PHEX: variants seen among roughly 807,000 people sequenced by gnomAD.
PHEX encodes phosphate-regulating neutral endopeptidase PHEX.
PHEX carries 16 observed loss-of-function variants against 68.0 expected under a neutral mutation model. That is an observed-to-expected ratio of 0.24 (90% confidence interval 0.16 to 0.36). The LOEUF (loss-of-function observed/expected upper bound fraction) is 0.36. PHEX is among the 10% of genes least tolerant of loss of function. The pLI is 1.00. For synonymous variants in PHEX, 208 were observed against 205.1 expected, an observed-to-expected ratio of 1.01 and a Z score of -0.12; for missense variants, 480 against 575.5, an observed-to-expected ratio of 0.83 and a Z score of 1.70.
intron 5 of PHEX, among the ~76,000 whole-genome samples, chrX:22,081,526 A>T (rs1028720469): frequency 9.8e-5 from 11 of 111,788 alleles, no homozygotes; most frequent in Non-Finnish European, 1.7e-4. Context: ...AATCCCACAA[A>T]CCCACAGGAA....
chrX:22,037,722 C>T (rs992185256), intron 1 of PHEX, among the ~76,000 whole-genome samples: 2 of 110,251 alleles, frequency 1.8e-5, no homozygotes, highest in African/African-American at 3.3e-5. Context: ...GCCTGGTGGG[C>T]GGAGAGTTTG....
At chrX:22,086,439 C>T (rs1704103930) in intron 5 of PHEX, among the ~76,000 whole-genome samples, 1 of 112,105 alleles carries the variant, frequency 8.9e-6, no homozygotes, top group Non-Finnish European at 1.9e-5. Flanking sequence ...TGGTTGTCCA[C>T]CTTGATCTCA....
intron 14 of PHEX, among the ~76,000 whole-genome samples, chrX:22,184,068 A>G (rs980553536): frequency 8.9e-6 from 1 of 111,834 alleles, no homozygotes; most frequent in African/African-American, 3.2e-5. Flanking sequence ...TAGCTCTTTC[A>G]CAAGGGTATT....
At chrX:22,042,582 C>A (rs1311293362) in intron 2 of PHEX, among the ~76,000 whole-genome samples, 1 of 112,215 alleles carries the variant, frequency 8.9e-6, no homozygotes, top group African/African-American at 3.2e-5. Flanking sequence ...GCCAGGAGTT[C>A]AAGACCAGTC....
chrX:22,047,508 A>G (rs192395933), intron 3 of PHEX, among the ~76,000 whole-genome samples: 14 of 112,328 alleles, frequency 1.2e-4, no homozygotes, highest in African/African-American at 4.5e-4. Flanking sequence ...AATGAAAATT[A>G]TATCAATATA....
chrX:22,058,961 C>A (rs866590369), intron 3 of PHEX, among the ~76,000 whole-genome samples: 1 of 111,590 alleles, frequency 9.0e-6, no homozygotes, highest in Non-Finnish European at 1.9e-5. Flanking sequence ...CCTGCCACCA[C>A]GCCTGGCTAA....
At chrX:22,108,797 C>A (rs1018326467) in intron 9 of PHEX, among the ~76,000 whole-genome samples, 1 of 110,356 alleles carries the variant, frequency 9.1e-6, no homozygotes, top group Admixed American at 9.7e-5. Flanking sequence ...TAGAAATTAG[C>A]CAGTCGTGGT....
chrX:22,082,336 A>C (rs57661471), intron 5 of PHEX, among the ~76,000 whole-genome samples: 2,910 of 111,469 alleles, frequency 0.026, 115 homozygotes, highest in African/African-American at 0.091. Context: ...AGTGTATAAG[A>C]GTTTCTTTTT....
intron 2 of PHEX, among the ~76,000 whole-genome samples, chrX:22,038,797 G>C (rs763858747): frequency 1.0e-3 from 115 of 111,769 alleles, no homozygotes; most frequent in Middle Eastern, 4.6e-3. Context: ...TTGGAAGGCT[G>C]AATGGCCTCT....
At chrX:22,096,266 T>C (rs2147042747) in intron 7 of PHEX, among the ~76,000 whole-genome samples, 1 of 112,802 alleles carries the variant, frequency 8.9e-6, no homozygotes, top group East Asian at 2.8e-4. Flanking sequence ...TCATTGCTGC[T>C]GTTCTTAGGT....
At chrX:22,070,176 T>A (rs1196353913) in intron 3 of PHEX, among the ~76,000 whole-genome samples, 3 of 111,391 alleles carry the variant, frequency 2.7e-5, no homozygotes, top group Admixed American at 1.9e-4. Flanking sequence ...TAATAAGTTT[T>A]AAAAAAAATC....
At chrX:22,243,343 G>C (rs960315429) in intron 20 of PHEX, among the ~76,000 whole-genome samples, 1 of 111,674 alleles carries the variant, frequency 9.0e-6, no homozygotes, top group Non-Finnish European at 1.9e-5. Context: ...AAGAAAACCT[G>C]GGCAATACCA....
At chrX:22,056,314 A>G (rs1157309550) in intron 3 of PHEX, among the ~76,000 whole-genome samples, 1 of 112,039 alleles carries the variant, frequency 8.9e-6, no homozygotes, top group Non-Finnish European at 1.9e-5. Flanking sequence ...CTGATCCAGC[A>G]ACTGAACCAT....
intron 14 of PHEX, 82 bp from the exon 15 acceptor site, chrX:22,190,362 C>T: frequency 1.5e-6 from 1 of 647,590 alleles, no homozygotes; most frequent in Admixed American, 2.2e-5. Context: ...GCTAATAAAC[C>T]CAGCCATGCT....
At chrX:22,104,450 G>A (rs889576118) in intron 9 of PHEX, among the ~76,000 whole-genome samples, 9 of 110,924 alleles carry the variant, frequency 8.1e-5, no homozygotes, top group African/African-American at 3.0e-4. Flanking sequence ...GAGGTGGAAA[G>A]GGGGGTGGGG....
Position 22,160,685 on chromosome X carries a change from A to G in PHEX, c.1405-7627A>G, listed in dbSNP as rs548410487. Among the ~76,000 whole-genome samples the G allele has an allele frequency of 8.1e-5, 9 of 111,611 alleles. No homozygotes were observed. In the South Asian group the frequency reaches 2.7e-3, roughly 33 times the overall value. On this transcript the variant is annotated intron_variant, in intron 12 of 21. Transcript: ENST00000379374. The stretch of plus-strand genomic sequence containing the variant: ...AGGAAAGACCCACCCTCATGAATCA[A>G]TTACCTCCCACTGGGTCTCTCCCAT...
At chrX:22,110,622 A>C (rs954590269) in intron 9 of PHEX, among the ~76,000 whole-genome samples, 15 of 75,060 alleles carry the variant, frequency 2.0e-4, no homozygotes, top group African/African-American at 7.4e-4. Flanking sequence ...CTATGCAGCC[A>C]TAAAAAATGA....
chrX:22,184,555 T>C (rs750927867), intron 14 of PHEX, among the ~76,000 whole-genome samples: 2 of 112,149 alleles, frequency 1.8e-5, no homozygotes, highest in South Asian at 7.4e-4. Flanking sequence ...TCTAAGGCGA[T>C]GGGAAATGTC....
At chrX:22,129,832 A>G (rs1374207507) in intron 11 of PHEX, among the ~76,000 whole-genome samples, 1 of 111,216 alleles carries the variant, frequency 9.0e-6, no homozygotes, top group Admixed American at 9.6e-5. Context: ...AAACCCTCAG[A>G]CCCTTCCCTT....
Sources: gnomAD v4.1 joint callset for allele counts (sites outside exome capture counted in the v4.1 genomes callset) on GRCh38, gnomAD v4.1.1 for gene constraint, MANE v1.5 for transcripts, NCBI Gene and HGNC (gene_info 2026-07-23, HGNC 2026-07-21) for gene names.